Variants in FRMD4A observed in about 807,000 individuals in gnomAD.
The protein encoded by FRMD4A is FERM domain-containing protein 4A.
In FRMD4A, 29 loss-of-function variants were observed where a neutral mutation model predicts 129.1. The observed-to-expected ratio is 0.22, with a 90% CI of 0.17 to 0.31. The LOEUF (loss-of-function observed/expected upper bound fraction) is 0.31. FRMD4A is among the 10% of genes least tolerant of loss of function. The pLI, the probability that FRMD4A is intolerant of heterozygous loss-of-function variation, is 1.00. For synonymous variants in FRMD4A, 634 were observed against 571.6 expected (o/e 1.11, Z -1.56); for missense variants, 1,272 against 1,375.8 (o/e 0.92, Z 1.19).
At chr10:13,849,411 C>T (rs1214009502) in intron 3 of FRMD4A, among the ~76,000 whole-genome samples, 2 of 152,078 alleles carry the variant, frequency 1.3e-5, no homozygotes, top group African/African-American at 2.4e-5. Context: ...GAATCAACTC[C>T]ATATTCTCTG....
intron 6 of FRMD4A, among the ~76,000 whole-genome samples, chr10:13,779,180 G>A (rs1008966642): frequency 2.6e-5 from 4 of 152,056 alleles, no homozygotes; most frequent in African/African-American, 9.7e-5. Context: ...AGCCAGGTGT[G>A]ATGGCTGGTG....
intron 2 of FRMD4A, among the ~76,000 whole-genome samples, chr10:13,908,294 C>T (rs79397330): frequency 0.1 from 15,268 of 151,524 alleles, 1,056 homozygotes; most frequent in Non-Finnish European, 0.16. Context: ...TAAAGCCATG[C>T]TTCTCATCCT....
intron 2 of FRMD4A, among the ~76,000 whole-genome samples, chr10:14,049,690 A>T (rs1811694504): frequency 6.6e-6 from 1 of 152,120 alleles, no homozygotes; most frequent in Non-Finnish European, 1.5e-5. Flanking sequence ...CCCTGTCTCT[A>T]CTAAAAATAC....
intron 2 of FRMD4A, among the ~76,000 whole-genome samples, chr10:14,177,475 A>G (rs900060269): frequency 1.3e-5 from 2 of 152,066 alleles, no homozygotes; most frequent in Admixed American, 6.6e-5. Flanking sequence ...GCCTGGCCCC[A>G]ATCATGTCCC....
At chr10:13,770,076 A>G (rs552504374) in intron 6 of FRMD4A, among the ~76,000 whole-genome samples, 3 of 152,302 alleles carry the variant, frequency 2.0e-5, no homozygotes, top group African/African-American at 7.2e-5. Context: ...TACACCGTAT[A>G]TCATTAAAGT....
At chr10:13,848,648 C>T (rs909547844) in intron 3 of FRMD4A, among the ~76,000 whole-genome samples, 2 of 113,718 alleles carry the variant, frequency 1.8e-5, no homozygotes, top group Admixed American at 8.9e-5. Context: ...GTAAACGCGG[C>T]AGGGGGTTCC....
intron 2 of FRMD4A, among the ~76,000 whole-genome samples, chr10:14,129,371 C>CAT (rs3033977): frequency 0.036 from 1,670 of 46,148 alleles, 27 homozygotes; most frequent in Middle Eastern, 0.068. Context: ...AATTATGATT[C>CAT]ATATATATAT....
intron 2 of FRMD4A, among the ~76,000 whole-genome samples, chr10:14,201,918 C>T (rs1458581168): frequency 2.6e-5 from 4 of 152,066 alleles, no homozygotes; most frequent in Non-Finnish European, 1.5e-5. Flanking sequence ...ATCATAAGGT[C>T]AGGAGTTTGA....
At chr10:13,732,965 C>G (rs779654500) in intron 12 of FRMD4A, among the ~76,000 whole-genome samples, 1 of 152,122 alleles carries the variant, frequency 6.6e-6, no homozygotes. Flanking sequence ...GTGGCCTGGT[C>G]GGAGGTGTAG....
chr10:13,805,164 G>C (rs1391912359), intron 4 of FRMD4A, among the ~76,000 whole-genome samples: 3 of 151,562 alleles, frequency 2.0e-5, no homozygotes, highest in African/African-American at 7.3e-5. Flanking sequence ...TTCTTTAAGA[G>C]ATGGGGTCTT....
chr10:13,931,127 A>AT (rs1055288132), intron 2 of FRMD4A, among the ~76,000 whole-genome samples: 2 of 152,122 alleles, frequency 1.3e-5, no homozygotes, highest in Admixed American at 6.5e-5. Flanking sequence ...AACTTTTCTG[A>AT]TGTAAGGTGT....
intron 2 of FRMD4A, among the ~76,000 whole-genome samples, chr10:14,033,818 AAAG>A (rs1833372090): frequency 1.3e-5 from 2 of 151,986 alleles, no homozygotes; most frequent in Non-Finnish European, 2.9e-5. Context: ...GAGAGAAAGA[AAAG>A]AAAGAAAAAA....
intron 2 of FRMD4A, among the ~76,000 whole-genome samples, chr10:14,261,451 C>T (rs936474808): frequency 7.2e-5 from 11 of 152,212 alleles, no homozygotes; most frequent in African/African-American, 2.7e-4. Context: ...AACTGACCTG[C>T]TCACCAATGG....
At chr10:13,712,695 A>C (rs1055094253) in intron 12 of FRMD4A, among the ~76,000 whole-genome samples, 1 of 152,156 alleles carries the variant, frequency 6.6e-6, no homozygotes, top group Non-Finnish European at 1.5e-5. Flanking sequence ...CGTGACTCCC[A>C]ATGCGATCAC....
At chr10:13,707,626 G>T in intron 12 of FRMD4A, 1 of 988,662 alleles carries the variant, frequency 1.0e-6, no homozygotes, top group Admixed American at 5.8e-5. Flanking sequence ...GCCTCCCATC[G>T]GGACTCCACT....
intron 3 of FRMD4A, among the ~76,000 whole-genome samples, chr10:13,848,595 A>C (rs61833446): frequency 7.4e-6 from 1 of 134,286 alleles, no homozygotes; most frequent in Non-Finnish European, 1.6e-5. Flanking sequence ...CCTGGGTGTG[A>C]GTGTGTGTGT....
intron 15 of FRMD4A, among the ~76,000 whole-genome samples, chr10:13,681,206 C>T (rs1357593264): frequency 6.6e-6 from 1 of 152,198 alleles, no homozygotes; most frequent in East Asian, 1.9e-4. Flanking sequence ...AGCCTTCTGC[C>T]AGTGCTGCTC....
intron 2 of FRMD4A, among the ~76,000 whole-genome samples, chr10:13,933,334 A>G (rs1035154993): frequency 3.3e-5 from 5 of 152,178 alleles, no homozygotes; most frequent in Non-Finnish European, 5.9e-5. Flanking sequence ...CAAGTAACCA[A>G]TGGAATCGTC....
At chr10:14,080,634 A>G (rs1835877028) in intron 2 of FRMD4A, among the ~76,000 whole-genome samples, 1 of 151,956 alleles carries the variant, frequency 6.6e-6, no homozygotes, top group Non-Finnish European at 1.5e-5. Flanking sequence ...ACAATCACAG[A>G]AGCGATCTTG....
Sources: allele counts gnomAD v4.1 joint callset (sites outside exome capture counted in the v4.1 genomes callset), GRCh38; gene constraint gnomAD v4.1.1; transcripts MANE v1.5; gene names NCBI Gene and HGNC (gene_info 2026-07-23, HGNC 2026-07-21).